RNF13: variants seen among roughly 807,000 people sequenced by gnomAD.
The protein encoded by RNF13 is ring finger protein 13, also known as E3 ubiquitin-protein ligase RNF13.
Under a neutral mutation model 37.7 loss-of-function variants are expected in RNF13, and 19 were observed. That is an observed-to-expected ratio of 0.50 (90% CI 0.35 to 0.74). The LOEUF is 0.74. Ranked by LOEUF, RNF13 falls within the 30% of genes least tolerant of loss-of-function variation. The pLI, the probability that RNF13 is intolerant of heterozygous loss-of-function variation, is 0.01. For synonymous variants in RNF13, 144 were observed against 157.8 expected (o/e 0.91, Z 0.65); for missense variants, 375 against 453.0 (o/e 0.83, Z 1.56).
intron 8 of RNF13, among the ~76,000 whole-genome samples, chr3:149,948,479 CT>C (rs1208870050): frequency 2.6e-5 from 4 of 152,070 alleles, no homozygotes; most frequent in Non-Finnish European, 5.9e-5. Flanking sequence ...TTTTGATTCC[CT>C]TATTTCCCTT....
At chr3:149,834,361 T>G (rs1721375115) in intron 1 of RNF13, among the ~76,000 whole-genome samples, 1 of 152,154 alleles carries the variant, frequency 6.6e-6, no homozygotes, top group Non-Finnish European at 1.5e-5. Flanking sequence ...TTCCAGTAAT[T>G]AAAATAGTGT....
At position 149,962,012 on chromosome 3, in the gene RNF13, T is replaced by C. The variant is rs934633761; in HGVS notation, c.*908T>C. 4 of 152,642 alleles carry C rather than the reference T, an allele frequency of 2.6e-5. No homozygotes were observed. The highest frequency in any genetic ancestry group is 7.2e-5 in the African/African-American group (3 of 41,448). The allele number at this position is 152,642 out of a possible 1,614,324, so 9.5% of individuals were successfully genotyped here. A position where few individuals can be genotyped will look rare whatever the true frequency, so the allele number is the denominator to read the frequency against. ...CACTGTATTATGAAAAGCTAAATTA[T>C]ACATCATTGTAACTATGTAGAAAGT... On this transcript the variant is annotated 3_prime_UTR_variant, in exon 10 of 10. Transcript: ENST00000392894.
intron 1 of RNF13, among the ~76,000 whole-genome samples, chr3:149,826,558 G>A (rs751335063): frequency 6.6e-6 from 1 of 152,150 alleles, no homozygotes; most frequent in Non-Finnish European, 1.5e-5. Context: ...TAGAAAACTT[G>A]AGCAAGTAGA....
intron 8 of RNF13, among the ~76,000 whole-genome samples, chr3:149,952,850 C>T (rs753674552): frequency 1.4e-4 from 21 of 152,160 alleles, no homozygotes; most frequent in Non-Finnish European, 2.1e-4. Context: ...CCACCTGCCT[C>T]GACCTCCCAG....
chr3:149,835,256 A>G (rs765118752), intron 1 of RNF13, among the ~76,000 whole-genome samples: 21 of 152,224 alleles, frequency 1.4e-4, no homozygotes, highest in Non-Finnish European at 2.9e-4. Context: ...TCAATCATAT[A>G]TTTTATAAGG....
intron 1 of RNF13, among the ~76,000 whole-genome samples, chr3:149,815,335 G>T (rs1294774439): frequency 6.6e-6 from 1 of 152,122 alleles, no homozygotes; most frequent in Non-Finnish European, 1.5e-5. Context: ...AAATAGTTTG[G>T]TCAACTATCA....
rs560154007 is a variant in RNF13 at position 149,953,596 on chromosome 3, G to C, written c.701-6460G>C. Among the ~76,000 whole-genome samples, 5 of 152,274 alleles carry C rather than the reference G, an allele frequency of 3.3e-5. No homozygotes were observed. The East Asian group carries it at 9.6e-4, about 29-fold the overall frequency. On this transcript the variant is annotated intron_variant, in intron 8 of 9. Transcript: ENST00000392894. ...TATTTCTTAACACTATGAATCGAAGGGGAATATTTAAATGTGACCAAAAAT... is the reference window on the plus strand; with the variant it reads ...TATTTCTTAACACTATGAATCGAAGCGGAATATTTAAATGTGACCAAAAAT...
chr3:149,840,623 A>C (rs1722085972), intron 1 of RNF13, among the ~76,000 whole-genome samples: 1 of 152,180 alleles, frequency 6.6e-6, no homozygotes, highest in Non-Finnish European at 1.5e-5. Context: ...CAGAGACTCC[A>C]ACAGTTGAAT....
intron 3 of RNF13, among the ~76,000 whole-genome samples, chr3:149,871,363 C>G (rs867447261): frequency 1.3e-5 from 2 of 150,710 alleles, no homozygotes; most frequent in Middle Eastern, 3.4e-3. Flanking sequence ...TTTCTTATGT[C>G]AAACCATCCT....
At chr3:149,873,440 CT>C (rs1712319883) in intron 4 of RNF13, among the ~76,000 whole-genome samples, 1 of 152,156 alleles carries the variant, frequency 6.6e-6, no homozygotes, top group Non-Finnish European at 1.5e-5. Flanking sequence ...CTTCTTGTCC[CT>C]TTAGTGGATC....
intron 2 of RNF13, among the ~76,000 whole-genome samples, chr3:149,849,498 A>G (rs1046748322): frequency 3.3e-5 from 5 of 152,170 alleles, no homozygotes; most frequent in African/African-American, 1.2e-4. Flanking sequence ...ATCCAGCTCT[A>G]CCACTCTATT....
At chr3:149,842,727 T>A (rs1486779307) in intron 1 of RNF13, among the ~76,000 whole-genome samples, 1 of 152,236 alleles carries the variant, frequency 6.6e-6, no homozygotes, top group East Asian at 1.9e-4. Context: ...TAAAGAATAT[T>A]CATAAGGAAT....
intron 4 of RNF13, among the ~76,000 whole-genome samples, chr3:149,887,236 A>G (rs1246733422): frequency 2.6e-5 from 4 of 152,208 alleles, no homozygotes; most frequent in Non-Finnish European, 1.5e-5. Context: ...CAGTTCAACA[A>G]TGATAGTTGG....
rs1722399635 is a variant in RNF13 at position 149,961,341 on chromosome 3, A to C, written c.*237A>C. 1.5e-6 allele frequency: 1 copy of C among 650,412 alleles called. No homozygotes were observed. Among genetic ancestry groups the C allele is most frequent in the African/African-American group, 1.9e-5 (1 of 52,910 alleles). 40.3% of individuals were successfully genotyped at this position (650,412 alleles called of 1,614,324 possible). On this transcript the variant is annotated 3_prime_UTR_variant, in exon 10 of 10. Transcript: ENST00000392894. ...GCATCAATTCAGCTCTTCTTTTGGA[A>C]TGAAAGTATAGCCAAAACATAAAAA...
At chr3:149,929,179 TCA>T (rs995120956) in intron 8 of RNF13, among the ~76,000 whole-genome samples, 3 of 152,202 alleles carry the variant, frequency 2.0e-5, no homozygotes, top group African/African-American at 7.2e-5. Context: ...TTTAATTGAC[TCA>T]CAGTTCCACA....
chr3:149,893,849 C>G (rs1421942874), intron 4 of RNF13: 1 of 152,190 alleles, frequency 6.6e-6, no homozygotes, highest in East Asian at 1.9e-4. Flanking sequence ...CTAAAACATA[C>G]TTGTCACAGT....
At chr3:149,878,331 G>A (rs967249563) in intron 4 of RNF13, among the ~76,000 whole-genome samples, 2 of 152,290 alleles carry the variant, frequency 1.3e-5, no homozygotes, top group African/African-American at 4.8e-5. Context: ...GAAAGAAAGA[G>A]AGAAAGATAG....
chr3:149,845,041 T>G (rs1417507384), intron 1 of RNF13, among the ~76,000 whole-genome samples: 1 of 152,162 alleles, frequency 6.6e-6, no homozygotes, highest in Non-Finnish European at 1.5e-5. Context: ...CTTTAGCATG[T>G]TTTCATTTTT....
At chr3:149,925,032 T>G (rs1718497206) in intron 8 of RNF13, among the ~76,000 whole-genome samples, 1 of 152,170 alleles carries the variant, frequency 6.6e-6, no homozygotes, top group African/African-American at 2.4e-5. Context: ...TTGCTTTAAT[T>G]TCTCTCAGGT....
Sources: gnomAD v4.1 joint callset for allele counts (sites outside exome capture counted in the v4.1 genomes callset) on GRCh38, gnomAD v4.1.1 for gene constraint, MANE v1.5 for transcripts, NCBI Gene and HGNC (gene_info 2026-07-23, HGNC 2026-07-21) for gene names.